TRIM11: variants seen among roughly 807,000 people sequenced by gnomAD.
TRIM11 encodes the protein tripartite motif containing 11.
In TRIM11, 15 loss-of-function variants were observed where a neutral mutation model predicts 33.4. The observed-to-expected ratio is 0.45, with a 90% confidence interval of 0.30 to 0.69. TRIM11 has a LOEUF of 0.69. Among genes scored for constraint, TRIM11 ranks in the 30% least tolerant of loss-of-function variants. The pLI is 0.08. For missense variants in TRIM11, 499 were observed against 667.6 expected (o/e 0.75, Z 2.78); for synonymous variants, 281 against 302.6 (o/e 0.93, Z 0.74).
intron 3 of TRIM11, chr1:228,397,366 G>A: frequency 1.6e-6 from 1 of 635,578 alleles, no homozygotes; most frequent in Admixed American, 3.0e-5. Context: ...TGACATGTGT[G>A]CCAGGAGGCA....
At position 228,401,086 on chromosome 1, in the gene TRIM11, GCTC is replaced by G; in HGVS notation, c.610_612del (p.Glu204del). ...TCCCGCAGCCGGGGCAGCACCTCCA[GCTC>G]CTCCTCCTCCAGCCTCTGCAGCAGC... On this transcript the variant is annotated inframe_deletion, in exon 3 of 6. Coordinates refer to ENST00000284551, the MANE Select transcript of TRIM11 (RefSeq NM_145214.3). The surrounding 1 kb of genome is among the most constrained non-coding windows in gnomAD (Gnocchi z 6.1). 6.2e-7 allele frequency: 1 copy of G among 1,613,350 alleles called. No homozygotes were observed. Among genetic ancestry groups the G allele is most frequent in the Non-Finnish European group, 8.5e-7 (1 of 1,179,864 alleles).
At position 228,395,182 on chromosome 1, in the gene TRIM11, C is replaced by A; in HGVS notation, c.930G>T (p.Gln310His). 6.6e-7 allele frequency: 1 copy of A among 1,511,956 alleles called. No individual in the cohort carries two copies. Among genetic ancestry groups the A allele is most frequent in the Non-Finnish European group, 8.8e-7 (1 of 1,136,894 alleles). The allele number at this position is 1,511,956 out of a possible 1,614,324, so 93.7% of individuals were successfully genotyped here. Residue 310 changes from glutamine (Q) to histidine (H), a missense_variant, in exon 6 of 6, where the codon CAG becomes CAT. Physicochemically the swap from Gln to His is conservative, Grantham distance 24. Transcript: ENST00000284551. The surrounding 1 kb of genome is among the most constrained non-coding windows in gnomAD (Gnocchi z 4.8). ...LILSEDRRSV[Q>H]RGDLRQALPD... The stretch of plus-strand genomic sequence containing the variant: ...GCAGGGCCTGCCGTAGGTCCCCCCG[C>A]TGCACGCTCCGCCTGTCTTCAGACA...
rs1371531482 is a variant in TRIM11, at chr1:228,394,006, G to A, written c.*699C>T. ...CACGAAAGCTTCAAGTCAGAACGTG[G>A]GCCTGCAAAAGACATTTCTGGGCTC... On this transcript the variant is annotated 3_prime_UTR_variant, in exon 6 of 6. Coordinates refer to ENST00000284551, the MANE Select transcript of TRIM11 (RefSeq NM_145214.3). The surrounding 1 kb of genome is among the most constrained non-coding windows in gnomAD (Gnocchi z 6.2). The A allele has an allele frequency of 6.6e-6, 1 of 152,238 alleles. No homozygotes were observed. Among genetic ancestry groups the A allele is most frequent in the Non-Finnish European group, 1.5e-5 (1 of 68,060 alleles). The allele number at this position is 152,238 out of a possible 1,614,324, so 9.4% of individuals were successfully genotyped here.
Position 228,394,439 on chromosome 1 carries a change from C to T in TRIM11, c.*266G>A, listed in dbSNP as rs2074959523. The T allele has an allele frequency of 2.1e-6, 1 of 477,440 alleles. No individual in the cohort carries two copies. Among genetic ancestry groups the T allele is most frequent in the African/African-American group, 2.0e-5 (1 of 50,914 alleles). 29.6% of individuals were successfully genotyped at this position (477,440 alleles called of 1,614,324 possible). ...CCAGAGCTGCCGGGGCAATGGGGCT[C>T]CCAGCTTTGGTAAGGGCTGTTGGCA... On this transcript the variant is annotated 3_prime_UTR_variant, in exon 6 of 6. Coordinates refer to ENST00000284551, the MANE Select transcript of TRIM11 (RefSeq NM_145214.3). The surrounding 1 kb of genome is among the most constrained non-coding windows in gnomAD (Gnocchi z 6.2).
In TRIM11 at chr1:228,395,149, G is replaced by C. The variant is rs756096327; in HGVS notation, c.963C>G (p.Ser321Arg). ...AGGGGCCGGGGTCAAAGCGCTCTGGGCTGTCCGGCAGGGCCTGCCGTAGGT... is the reference window on the plus strand; with the variant it reads ...AGGGGCCGGGGTCAAAGCGCTCTGGCCTGTCCGGCAGGGCCTGCCGTAGGT... ...RGDLRQALPD[S>R]PERFDPGPCV... The change falls in exon 6 of 6, where the codon AGC (serine) becomes AGG (arginine). Residue 321 changes from serine (S) to arginine (R), a missense_variant. Coordinates refer to ENST00000284551, the MANE Select transcript of TRIM11 (RefSeq NM_145214.3). This position sits in a 1 kb window ranked among gnomAD's most constrained non-coding sequence, Gnocchi z 4.8. 3.3e-6 allele frequency: 5 copies of C among 1,537,362 alleles called. No homozygotes were observed. The highest frequency in any genetic ancestry group is 1.7e-4 in the Middle Eastern group (1 of 5,768).
intron 3 of TRIM11, chr1:228,397,458 C>T (rs1574083754): frequency 2.2e-6 from 1 of 454,442 alleles, no homozygotes; most frequent in Non-Finnish European, 3.9e-6. Context: ...TGGCTGTTGG[C>T]TCACTCACCC....
intron 5 of TRIM11, 119 bp downstream of exon 5, chr1:228,396,828 C>G (rs1420685672): frequency 1.1e-6 from 1 of 935,156 alleles, no homozygotes; most frequent in Non-Finnish European, 1.8e-6. Context: ...CAACCCACCA[C>G]CATGACACTG....
In TRIM11 at chr1:228,401,034, C is replaced by T; in HGVS notation, c.665G>A (p.Ser222Asn). The stretch of plus-strand genomic sequence containing the variant: ...GGCGATGAGCTCAGCTAGGTGGGCG[C>T]TCTGCTGGCCTAGGTGGGCTGCGCC... ...REGAAHLGQQ[S>N]AHLAELIAEL... The change falls in exon 3 of 6, where the codon AGC becomes AAC. Residue 222 changes from serine to asparagine, a missense_variant. Transcript: ENST00000284551. This position sits in a 1 kb window ranked among gnomAD's most constrained non-coding sequence, Gnocchi z 6.1. 3.1e-6 allele frequency: 5 copies of T among 1,611,284 alleles called. No homozygotes were observed. The highest frequency in any genetic ancestry group is 4.2e-6 in the Non-Finnish European group (5 of 1,178,928).
Position 228,401,227 on chromosome 1 carries a change from C to A in TRIM11, c.505-33G>T. 1 of 1,600,030 alleles carries A rather than the reference C, an allele frequency of 6.2e-7. No homozygotes were observed. The highest frequency in any genetic ancestry group is 1.1e-5 in the South Asian group (1 of 89,284). On this transcript the variant is annotated intron_variant, in intron 2 of 5. Coordinates refer to ENST00000284551, the MANE Select transcript of TRIM11 (RefSeq NM_145214.3). The surrounding 1 kb of genome is among the most constrained non-coding windows in gnomAD (Gnocchi z 6.1). ...GCCCAGGGAGAAGGACAGCTGAGGCCAGACCCCAGGCCCAGCCAGACCCCA... is the reference window on the plus strand; with the variant it reads ...GCCCAGGGAGAAGGACAGCTGAGGCAAGACCCCAGGCCCAGCCAGACCCCA...
At position 228,406,083 on chromosome 1, in the gene TRIM11, T is replaced by TC; in HGVS notation, c.408+70dup. ...TACTCCCGGAGCAGTCCCCCAAACC[T>TC]CCCACCCGCCCAGGCCTCCCCAGTC... On this transcript the variant is annotated intron_variant, in intron 1 of 5. Transcript: ENST00000284551. The surrounding 1 kb of genome is among the most constrained non-coding windows in gnomAD (Gnocchi z 8.2). The TC allele has an allele frequency of 2.8e-5, 26 of 917,800 alleles. No homozygotes were observed. The highest frequency in any genetic ancestry group is 3.7e-5 in the African/African-American group (2 of 53,536). 56.9% of individuals were successfully genotyped at this position (917,800 alleles called of 1,614,324 possible). A position where few individuals can be genotyped will look rare whatever the true frequency, so the allele number is the denominator to read the frequency against.
In TRIM11 at chr1:228,400,945, T is replaced by A; in HGVS notation, c.735+19A>T. 6.5e-7 allele frequency: 1 copy of A among 1,532,310 alleles called. No individual in the cohort carries two copies. The highest frequency in any genetic ancestry group is 8.8e-7 in the Non-Finnish European group (1 of 1,141,070). The allele number at this position is 1,532,310 out of a possible 1,614,324, so 94.9% of individuals were successfully genotyped here. The stretch of plus-strand genomic sequence containing the variant: ...GCCATGCCCGTGTGGCCACCATGGC[T>A]GCTCCCCGCCCAGCTCACCTGCAGC... On this transcript the variant is annotated intron_variant, in intron 3 of 5. Coordinates refer to ENST00000284551, the MANE Select transcript of TRIM11 (RefSeq NM_145214.3). This position sits in a 1 kb window ranked among gnomAD's most constrained non-coding sequence, Gnocchi z 4.5.
Position 228,394,825 on chromosome 1 carries a change from A to C in TRIM11, c.1287T>G (p.Phe429Leu). 1.2e-6 allele frequency: 2 copies of C among 1,613,594 alleles called. No homozygotes were observed. The highest frequency in any genetic ancestry group is 1.7e-6 in the Non-Finnish European group (2 of 1,179,870). Residue 429 changes from phenylalanine (F) to leucine (L), a missense_variant, in exon 6 of 6, where the codon TTT becomes TTG. Coordinates refer to ENST00000284551, the MANE Select transcript of TRIM11 (RefSeq NM_145214.3). This position sits in a 1 kb window ranked among gnomAD's most constrained non-coding sequence, Gnocchi z 6.2. Reference protein sequence around the residue: ...SATDGSLLFIFPEIPFSGTLR... With the variant: ...SATDGSLLFILPEIPFSGTLR... ...GCGTCCCCGAGAAGGGGATCTCGGG[A>C]AAGATGAATAGCAGTGACCCATCGG...
At chr1:228,399,755 G>A (rs1271966410) in intron 3 of TRIM11, among the ~76,000 whole-genome samples, 3 of 151,956 alleles carry the variant, frequency 2.0e-5, no homozygotes, top group Non-Finnish European at 2.9e-5. Context: ...GCTGGTGCAC[G>A]CGGCACACGG....
rs1574082016 is a variant in TRIM11, at chr1:228,394,970, A to T, written c.1142T>A (p.Val381Asp). The T allele has an allele frequency of 1.9e-6, 3 of 1,614,140 alleles. No homozygotes were observed. The highest frequency in any genetic ancestry group is 2.5e-6 in the Non-Finnish European group (3 of 1,180,012). ...LSAGNGFWIL[V>D]FLGSYYNSSE... ...GGAATTGTAATAGCTCCCCAGGAAG[A>T]CCAGGATCCAGAAGCCGTTGCCCGC... Residue 381 changes from valine to aspartate, a missense_variant, in exon 6 of 6, where the codon GTC (valine) becomes GAC (aspartate). Val to Asp is a radical substitution (Grantham distance 152). Coordinates refer to ENST00000284551, the MANE Select transcript of TRIM11 (RefSeq NM_145214.3). This position sits in a 1 kb window ranked among gnomAD's most constrained non-coding sequence, Gnocchi z 6.2.
chr1:228,397,955 G>C (rs932604263), intron 3 of TRIM11, among the ~76,000 whole-genome samples: 2 of 152,202 alleles, frequency 1.3e-5, no homozygotes, highest in East Asian at 1.9e-4. Flanking sequence ...GGGGGAACCA[G>C]CTTTGACCTC....
At chr1:228,397,386 G>A in intron 3 of TRIM11, 1 of 603,302 alleles carries the variant, frequency 1.7e-6, no homozygotes, top group East Asian at 2.8e-5. Context: ...ATCACCAATG[G>A]GGTGCAGCCC....
chr1:228,405,934 A>C, intron 1 of TRIM11: 1 of 426,578 alleles, frequency 2.3e-6, no homozygotes, highest in Non-Finnish European at 3.9e-6. Context: ...CCATGGTCCC[A>C]GCCTCAAGGG....
chr1:228,405,795 T>C, intron 1 of TRIM11: 1 of 226,472 alleles, frequency 4.4e-6, no homozygotes, highest in Non-Finnish European at 8.6e-6. Flanking sequence ...TTCCAGCTCC[T>C]TGCTGGCCAG....
rs919525349 is a variant in TRIM11 at position 228,399,978 on chromosome 1, T to C, written c.735+986A>G. ...AACCAGGAGCCGGTGCCTGGACTGA[T>C]GTTCTGCTGGGCTCCAGAGGCCGGC... On this transcript the variant is annotated intron_variant, in intron 3 of 5. Coordinates refer to ENST00000284551, the MANE Select transcript of TRIM11 (RefSeq NM_145214.3). Among the ~76,000 whole-genome samples the C allele has an allele frequency of 2.6e-4, 40 of 151,206 alleles. 1 individual carries two copies. Among genetic ancestry groups the C allele is most frequent in the African/African-American group, 9.7e-4 (40 of 41,114 alleles).
Sources: allele counts gnomAD v4.1 joint callset (sites outside exome capture counted in the v4.1 genomes callset), GRCh38; gene constraint gnomAD v4.1.1; non-coding constraint Gnocchi (gnomAD v3.1); transcripts MANE v1.5; gene names NCBI Gene and HGNC (gene_info 2026-07-23, HGNC 2026-07-21).